The following PACS2 variants were observed in gnomAD, a reference collection of about 807,000 sequenced individuals.
PACS2 encodes the protein PACS1-like protein.
Under a neutral mutation model 113.0 loss-of-function variants are expected in PACS2, and 36 were observed. The ratio of observed to expected loss-of-function variants is 0.32; its 90% CI spans 0.24 to 0.42. The LOEUF (loss-of-function observed/expected upper bound fraction) is 0.42. Ranked by LOEUF, PACS2 falls within the 10% of genes least tolerant of loss-of-function variation. The pLI is 1.00. For synonymous variants in PACS2, 589 were observed against 536.1 expected, an observed-to-expected ratio of 1.10 and a Z score of -1.36; for missense variants, 1,015 against 1,239.5, an observed-to-expected ratio of 0.82 and a Z score of 2.72.
rs587762899 is a variant in PACS2, at chr14:105,389,632, G to A, written c.2034-329G>A. On this transcript the variant is annotated intron_variant, in intron 19 of 24. Transcript: ENST00000447393. ...GGGCTGAGCTGGCTGTGTGGGCGTC[G>A]GGCACCTAGGATGGCAGAGTGAATC... 6.9e-4 allele frequency: 251 copies of A among 365,870 alleles called. 2 individuals carry two copies. The highest frequency in any genetic ancestry group is 4.8e-3 in the Middle Eastern group (6 of 1,254). The allele number at this position is 365,870 out of a possible 1,614,324, so 22.7% of individuals were successfully genotyped here. A position where few individuals can be genotyped will look rare whatever the true frequency, so the allele number is the denominator to read the frequency against.
intron 1 of PACS2, among the ~76,000 whole-genome samples, chr14:105,341,409 CTG>C (rs1239810886): frequency 6.6e-6 from 1 of 152,214 alleles, no homozygotes; most frequent in Non-Finnish European, 1.5e-5. Context: ...CCACTTGTCA[CTG>C]TGATTTTATT....
chr14:105,383,502 T>G lies in PACS2; in HGVS notation c.1769T>G (p.Val590Gly). The G allele has an allele frequency of 6.3e-7, 1 of 1,596,618 alleles. No individual in the cohort carries two copies. The highest frequency in any genetic ancestry group is 8.5e-7 in the Non-Finnish European group (1 of 1,171,912). Residue 590 changes from valine to glycine, a missense_variant, in exon 16 of 25, where the codon GTC becomes GGC. Val to Gly is a moderately radical substitution (Grantham distance 109, BLOSUM62 -3). Coordinates refer to ENST00000447393, the MANE Select transcript of PACS2 (RefSeq NM_001100913.3). The part of the protein sequence containing the change: ...PDWLGYMRFL[V>G]IPLGSHPVAR... ...TGGCTCGGCTACATGCGCTTCCTGG[T>G]CATCCCACTGGGTGAGCACCACGCC...
At chr14:105,333,871 C>A (rs1224162966) in intron 1 of PACS2, among the ~76,000 whole-genome samples, 4 of 152,226 alleles carry the variant, frequency 2.6e-5, no homozygotes, top group Non-Finnish European at 5.9e-5. Flanking sequence ...CAGGCCTTCC[C>A]AGAGGGGGTT....
Position 105,368,471 on chromosome 14 carries a change from G to A in PACS2, c.673G>A (p.Asp225Asn), listed in dbSNP as rs368127909. 4 of 1,613,834 alleles carry A rather than the reference G, an allele frequency of 2.5e-6. No individual in the cohort carries two copies. The highest frequency in any genetic ancestry group is 3.3e-5 in the Admixed American group (2 of 60,012). ...DAVQGQDLDE[D>N]DFDVGKPKKQ... ...TATGTCTCTGCAGGACTTGGACGAG[G>A]ACGACTTTGACGTGGGGAAGCCGAA... The change falls in exon 7 of 25, where the codon GAC (aspartate) becomes AAC (asparagine). Residue 225 changes from aspartate to asparagine, a missense_variant. Asp to Asn is a conservative substitution (Grantham distance 23). Around this residue, in one of 3 missense-constraint regions of PACS2, gnomAD observed 859 missense variants for 1,056.8 expected, o/e 0.81. Transcript: ENST00000447393.
intron 18 of PACS2, among the ~76,000 whole-genome samples, chr14:105,385,273 G>A (rs140233524): frequency 1.2e-4 from 18 of 152,364 alleles, no homozygotes; most frequent in Admixed American, 2.6e-4. Flanking sequence ...TGGGGCCAGG[G>A]TGGCAGTGGC....
At position 105,356,442 on chromosome 14, in the gene PACS2, C is replaced by T. The variant is rs2060451342; in HGVS notation, c.423+1265C>T. Among the ~76,000 whole-genome samples, 1 of 152,168 alleles carries T rather than the reference C, an allele frequency of 6.6e-6. No individual in the cohort carries two copies. Among genetic ancestry groups the T allele is most frequent in the South Asian group, 2.1e-4 (1 of 4,834 alleles). ...CCACGGACAGCACGGGTGGACCGGG[C>T]CTCCAGGCTGCACTTCCCAGGGCCC... On this transcript the variant is annotated intron_variant, in intron 4 of 24. Coordinates refer to ENST00000447393, the MANE Select transcript of PACS2 (RefSeq NM_001100913.3). This position sits in a 1 kb window ranked among gnomAD's most constrained non-coding sequence, Gnocchi z 4.0.
upstream of PACS2, among the ~76,000 whole-genome samples, chr14:105,313,892 C>T (rs1319628745): frequency 6.6e-6 from 1 of 152,254 alleles, no homozygotes; most frequent in South Asian, 2.1e-4. Context: ...CGGGCCCCAG[C>T]GGCTCTAGCC....
At chr14:105,328,226 C>G (rs1221996039) in intron 1 of PACS2, among the ~76,000 whole-genome samples, 2 of 152,238 alleles carry the variant, frequency 1.3e-5, no homozygotes, top group Non-Finnish European at 2.9e-5. Flanking sequence ...GCCACACCCC[C>G]TGCCCCAACC....
rs148025253 is a variant in PACS2 at position 105,369,495 on chromosome 14, G to A, written c.742-346G>A. Among the ~76,000 whole-genome samples the A allele has an allele frequency of 8.8e-3, 1,341 of 152,320 alleles. 24 individuals carry two copies. The highest frequency in any genetic ancestry group is 0.028 in the African/African-American group (1,153 of 41,580). On this transcript the variant is annotated intron_variant, in intron 7 of 24. Coordinates refer to ENST00000447393, the MANE Select transcript of PACS2 (RefSeq NM_001100913.3). ...ACACTCGCCCACCTGCCCACCCCAC[G>A]TGGGTGCCCAGCACCTTCCTTCTGG... is the stretch of plus-strand genomic sequence containing the variant.
In PACS2 at chr14:105,323,703, G is replaced by A. The variant is rs2058983110; in HGVS notation, c.119+8666G>A. On this transcript the variant is annotated intron_variant, in intron 1 of 24. Transcript: ENST00000447393. This position sits in a 1 kb window ranked among gnomAD's most constrained non-coding sequence, Gnocchi z 4.1. ...CAGGTGGAGATGGGTGGGAGGTGTC[G>A]TGCAGGGCTTGGGACAGGGCTTTCG... 1.3e-5 allele frequency among the ~76,000 whole-genome samples: 2 copies of A among 152,314 alleles called. No homozygotes were observed. The highest frequency in any genetic ancestry group is 2.4e-5 in the African/African-American group (1 of 41,566).
At chr14:105,382,335 C>G (rs782754424) in intron 13 of PACS2, 142 bp from the exon 14 acceptor site, 66 of 709,302 alleles carry the variant, frequency 9.3e-5, no homozygotes, top group Non-Finnish European at 1.6e-4. Flanking sequence ...CAGGGCAGTT[C>G]TCCAAGCTGG....
At chr14:105,379,265 C>T (rs1472191308) in intron 9 of PACS2, among the ~76,000 whole-genome samples, 2 of 152,240 alleles carry the variant, frequency 1.3e-5, no homozygotes, top group Admixed American at 6.5e-5. Flanking sequence ...TCTGATCTGC[C>T]TGGTGGGTCC....
At chr14:105,383,617 T>G in intron 16 of PACS2, 104 bp downstream of exon 16, 1 of 1,123,572 alleles carries the variant, frequency 8.9e-7, no homozygotes, top group Non-Finnish European at 1.2e-6. Context: ...TGGCGTGGCG[T>G]GGCGCGGTGT....
intron 8 of PACS2, 148 bp downstream of exon 8, chr14:105,370,048 CGCAG>C: frequency 1.4e-6 from 1 of 690,138 alleles, no homozygotes; most frequent in Non-Finnish European, 2.4e-6. Context: ...GTCTGCGAGG[CGCAG>C]TGACAGTGGC....
chr14:105,385,166 C>T (rs1484005863), intron 18 of PACS2, among the ~76,000 whole-genome samples, 179 bp downstream of exon 18: 1 of 152,232 alleles, frequency 6.6e-6, no homozygotes, highest in Non-Finnish European at 1.5e-5. Context: ...TGCTTCCCCG[C>T]ACCCCAGATC....
chr14:105,344,136 C>T (rs2059832354), intron 1 of PACS2, among the ~76,000 whole-genome samples: 1 of 150,594 alleles, frequency 6.6e-6, no homozygotes, highest in South Asian at 2.2e-4. Context: ...AGGCTGGTCT[C>T]AAACTCCTGG....
intron 2 of PACS2, among the ~76,000 whole-genome samples, chr14:105,351,235 T>C (rs375445605): frequency 3.3e-5 from 5 of 152,350 alleles, no homozygotes; most frequent in African/African-American, 9.6e-5. Flanking sequence ...ATGGTCCCAT[T>C]TAAAACAGCA....
rs967135010 is a variant in PACS2 at position 105,323,250 on chromosome 14, C to T, written c.119+8213C>T. 5.9e-5 allele frequency among the ~76,000 whole-genome samples: 9 copies of T among 152,238 alleles called. No homozygotes were observed. The highest frequency in any genetic ancestry group is 1.9e-4 in the African/African-American group (8 of 41,454). ...TGCTGTTGGTTCTGCGCTATTCTCT[C>T]TCTCACCTCTGGAGCAACAATTGGA... is the stretch of plus-strand genomic sequence containing the variant. On this transcript the variant is annotated intron_variant, in intron 1 of 24. Coordinates refer to ENST00000447393, the MANE Select transcript of PACS2 (RefSeq NM_001100913.3). This position sits in a 1 kb window ranked among gnomAD's most constrained non-coding sequence, Gnocchi z 4.1.
Position 105,346,034 on chromosome 14 carries a change from C to T in PACS2, c.120-2459C>T, listed in dbSNP as rs1032916996. On this transcript the variant is annotated intron_variant, in intron 1 of 24. Transcript: ENST00000447393. The stretch of plus-strand genomic sequence containing the variant: ...AAAGCTCACAGGTGGCCTCAGAGTG[C>T]ACCTTGTGCTCACAAACACTGACGG... Among the ~76,000 whole-genome samples the T allele has an allele frequency of 8.5e-5, 13 of 152,312 alleles. No individual in the cohort carries two copies. In the East Asian group the frequency reaches 2.1e-3, roughly 25 times the overall value.
Sources: gnomAD v4.1 joint callset for allele counts (sites outside exome capture counted in the v4.1 genomes callset) on GRCh38, gnomAD v4.1.1 for gene constraint, gnomAD v4.1.1 regional missense constraint, Gnocchi (gnomAD v3.1) non-coding constraint, MANE v1.5 for transcripts, NCBI Gene and HGNC (gene_info 2026-07-23, HGNC 2026-07-21) for gene names.